The following NCKAP5 variants were observed in gnomAD, a reference collection of about 807,000 sequenced individuals.
NCKAP5 encodes nck-associated protein 5.
NCKAP5 carries 92 observed loss-of-function variants against 167.0 expected under a neutral mutation model. The ratio of observed to expected loss-of-function variants is 0.55; its 90% CI spans 0.47 to 0.66. NCKAP5 has a LOEUF of 0.66. Among genes scored for constraint, NCKAP5 ranks in the 30% least tolerant of loss-of-function variants. NCKAP5 has a pLI of 0.00. For synonymous variants in NCKAP5, 891 were observed against 877.4 expected (o/e 1.02, Z -0.27); for missense variants, 2,378 against 2,315.0 (o/e 1.03, Z -0.56).
the NCKAP5 span, among the ~76,000 whole-genome samples, chr2:133,594,961 A>T: frequency 6.6e-6 from 1 of 152,198 alleles, no homozygotes; most frequent in African/African-American, 2.4e-5. Context: ...ACCCTCAAGC[A>T]GCCAAGGGTC....
chr2:132,741,727 A>T (rs1405626536), intron 16 of NCKAP5, among the ~76,000 whole-genome samples: 1 of 152,112 alleles, frequency 6.6e-6, no homozygotes, highest in Non-Finnish European at 1.5e-5. Context: ...GTAGAATCAC[A>T]ATGGCTCCAG....
chr2:133,411,731 G>A (rs1688785658), intron 3 of NCKAP5, among the ~76,000 whole-genome samples: 1 of 152,208 alleles, frequency 6.6e-6, no homozygotes, highest in Admixed American at 6.5e-5. Context: ...TCTCTTGCTT[G>A]GGAAGGGTGG....
chr2:132,699,959 G>A (rs1450496778), intron 19 of NCKAP5, among the ~76,000 whole-genome samples: 1 of 152,204 alleles, frequency 6.6e-6, no homozygotes, highest in East Asian at 1.9e-4. Context: ...ATGTAAAAGT[G>A]TTCCTATTTC....
chr2:132,798,568 C>T (rs1032820194), intron 11 of NCKAP5, among the ~76,000 whole-genome samples: 6 of 152,170 alleles, frequency 3.9e-5, no homozygotes, highest in African/African-American at 1.4e-4. Flanking sequence ...TTCATGAATG[C>T]ACTTCATTAT....
intron 15 of NCKAP5, among the ~76,000 whole-genome samples, chr2:132,780,526 G>C (rs936563849): frequency 1.3e-5 from 2 of 152,138 alleles, no homozygotes; most frequent in Non-Finnish European, 2.9e-5. Flanking sequence ...AGGGAGCCAA[G>C]TTCCAAAAAA....
intron 7 of NCKAP5, among the ~76,000 whole-genome samples, chr2:132,991,092 T>C (rs1298892781): frequency 1.3e-5 from 2 of 152,142 alleles, no homozygotes; most frequent in African/African-American, 4.8e-5. Context: ...GCTAATGCTG[T>C]GGAATCAGAC....
At chr2:132,940,030 C>T (rs1315813742) in intron 8 of NCKAP5, among the ~76,000 whole-genome samples, 1 of 151,940 alleles carries the variant, frequency 6.6e-6, no homozygotes, top group Non-Finnish European at 1.5e-5. Context: ...GTCTTTTATC[C>T]CTCACCCGCA....
At chr2:133,162,013 T>C (rs1039408663) in intron 5 of NCKAP5, among the ~76,000 whole-genome samples, 9 of 152,228 alleles carry the variant, frequency 5.9e-5, no homozygotes, top group African/African-American at 2.2e-4. Context: ...TAATTCTTCC[T>C]ATCTCCAAGG....
intron 4 of NCKAP5, among the ~76,000 whole-genome samples, chr2:133,249,461 C>T (rs2088189974): frequency 6.6e-6 from 1 of 152,060 alleles, no homozygotes; most frequent in Non-Finnish European, 1.5e-5. Flanking sequence ...CACTTTTGAC[C>T]CCCAGAACTA....
At chr2:133,045,391 A>C (rs111673982) in intron 6 of NCKAP5, among the ~76,000 whole-genome samples, 3,988 of 152,074 alleles carry the variant, frequency 0.026, 170 homozygotes, top group African/African-American at 0.092. Flanking sequence ...ATCTATATAT[A>C]TATACATAAT....
At chr2:133,638,968 G>T in the NCKAP5 span, among the ~76,000 whole-genome samples, 2 of 151,808 alleles carry the variant, frequency 1.3e-5, no homozygotes, top group African/African-American at 4.8e-5. Flanking sequence ...TAAGAGGTCT[G>T]CAAATTAGAA....
intron 5 of NCKAP5, among the ~76,000 whole-genome samples, chr2:133,203,367 A>C (rs2150130443): frequency 6.6e-6 from 1 of 152,166 alleles, no homozygotes; most frequent in South Asian, 2.1e-4. Flanking sequence ...AGGAAGGGGA[A>C]CATCACACAC....
chr2:133,136,844 C>T (rs569260331), intron 5 of NCKAP5, among the ~76,000 whole-genome samples: 9 of 152,314 alleles, frequency 5.9e-5, no homozygotes, highest in Admixed American at 4.6e-4. Context: ...GGTATCTCCA[C>T]GTATTCATCA....
chr2:132,724,733 A>G (rs1690281431), intron 19 of NCKAP5, among the ~76,000 whole-genome samples: 1 of 152,128 alleles, frequency 6.6e-6, no homozygotes, highest in South Asian at 2.1e-4. Flanking sequence ...TACCTCTCTG[A>G]TAACTTATAA....
At chr2:133,038,746 T>C (rs2079115403) in intron 6 of NCKAP5, among the ~76,000 whole-genome samples, 1 of 152,038 alleles carries the variant, frequency 6.6e-6, no homozygotes, top group Admixed American at 6.6e-5. Context: ...AATATTGATA[T>C]ATATATACCT....
At chr2:133,197,026 T>C (rs2085466032) in intron 5 of NCKAP5, among the ~76,000 whole-genome samples, 1 of 152,158 alleles carries the variant, frequency 6.6e-6, no homozygotes, top group Non-Finnish European at 1.5e-5. Flanking sequence ...CTTCTGACTG[T>C]TTTGTTCCAG....
intron 3 of NCKAP5, among the ~76,000 whole-genome samples, chr2:133,500,571 A>C (rs1559530776): frequency 6.6e-6 from 1 of 152,208 alleles, no homozygotes; most frequent in Admixed American, 6.5e-5. Context: ...CCTCAGCAAA[A>C]CAGCACCCCT....
chr2:132,849,354 T>A (rs1482066766), intron 11 of NCKAP5, among the ~76,000 whole-genome samples: 2 of 152,178 alleles, frequency 1.3e-5, no homozygotes, highest in Non-Finnish European at 2.9e-5. Context: ...TCTGAGTCAC[T>A]TGGTTAAAAG....
chr2:132,795,061 C>A (rs1048910595), intron 12 of NCKAP5, among the ~76,000 whole-genome samples: 2 of 152,176 alleles, frequency 1.3e-5, no homozygotes, highest in African/African-American at 4.8e-5. Context: ...CTCATTTAAT[C>A]CTCACCACAA....
Sources: gnomAD v4.1 joint callset for allele counts (sites outside exome capture counted in the v4.1 genomes callset) on GRCh38, gnomAD v4.1.1 for gene constraint, MANE v1.5 for transcripts, NCBI Gene and HGNC (gene_info 2026-07-23, HGNC 2026-07-21) for gene names.